Variants in TEK observed in about 807,000 individuals in gnomAD.
TEK encodes the protein angiopoietin-1 receptor.
Under a neutral mutation model 131.8 loss-of-function variants are expected in TEK, and 43 were observed. That is an observed-to-expected ratio of 0.33 (90% confidence interval 0.26 to 0.42). The LOEUF is 0.42. Among genes scored for constraint, TEK ranks in the 10% least tolerant of loss-of-function variants. TEK has a pLI of 1.00. For synonymous variants in TEK, 580 were observed against 491.6 expected, an observed-to-expected ratio of 1.18 and a Z score of -2.38; for missense variants, 1,162 against 1,384.4, an observed-to-expected ratio of 0.84 and a Z score of 2.55.
intron 1 of TEK, among the ~76,000 whole-genome samples, chr9:27,114,651 TAATC>T (rs1208495764): frequency 6.6e-6 from 1 of 152,228 alleles, no homozygotes; most frequent in Non-Finnish European, 1.5e-5. Context: ...ACCAATCTGA[TAATC>T]AATTTTATAT....
intron 1 of TEK, among the ~76,000 whole-genome samples, chr9:27,130,908 G>A (rs143978576): frequency 1.2e-3 from 177 of 151,986 alleles, no homozygotes; most frequent in African/African-American, 4.1e-3. Context: ...CTCATTGAAA[G>A]TGATAGAAAA....
chr9:27,123,074 A>C (rs1034653767), intron 1 of TEK, among the ~76,000 whole-genome samples: 6 of 150,456 alleles, frequency 4.0e-5, no homozygotes, highest in Non-Finnish European at 8.9e-5. Flanking sequence ...AAAAAAAAAA[A>C]AAAACTGGAG....
At chr9:27,137,927 G>T (rs975266773) in intron 1 of TEK, among the ~76,000 whole-genome samples, 5 of 152,122 alleles carry the variant, frequency 3.3e-5, no homozygotes, top group Admixed American at 6.6e-5. Context: ...AAGATGGTGT[G>T]TCCAGAGTTT....
intron 6 of TEK, among the ~76,000 whole-genome samples, chr9:27,177,911 A>G (rs936014275): frequency 6.6e-6 from 1 of 152,018 alleles, no homozygotes; most frequent in African/African-American, 2.4e-5. Context: ...TGTTCCATAC[A>G]TTGTTTCTTC....
At position 27,190,601 on chromosome 9, in the gene TEK, C is replaced by G. The variant is rs775484004; in HGVS notation, c.1400C>G (p.Ser467Cys). 1 of 1,614,068 alleles carries G rather than the reference C, an allele frequency of 6.2e-7. No homozygotes were observed. Among genetic ancestry groups the G allele is most frequent in the Non-Finnish European group, 8.5e-7 (1 of 1,179,942 alleles). Residue 467 changes from serine (S) to cysteine (C), a missense_variant, in exon 10 of 23, where the codon TCT (serine) becomes TGT (cysteine). Around this residue, in one of 6 missense-constraint regions of TEK, gnomAD observed 477 missense variants for 471.0 expected, o/e 1.01. Coordinates refer to ENST00000380036, the MANE Select transcript of TEK (RefSeq NM_000459.5). ...GHNFAVINIS[S>C]EPYFGDGPIK... ...AACTTTGCTGTCATCAACATCAGCTCTGAGCCTTACTTTGGGGATGGACCA... is the reference window on the plus strand; with the variant it reads ...AACTTTGCTGTCATCAACATCAGCTGTGAGCCTTACTTTGGGGATGGACCA...
chr9:27,126,181 T>C (rs1222621397), intron 1 of TEK, among the ~76,000 whole-genome samples: 1 of 152,204 alleles, frequency 6.6e-6, no homozygotes, highest in Non-Finnish European at 1.5e-5. Flanking sequence ...TCTCCGTGGC[T>C]GATTCATTAA....
chr9:27,125,791 A>G (rs1405950842), intron 1 of TEK, among the ~76,000 whole-genome samples: 4 of 152,164 alleles, frequency 2.6e-5, no homozygotes, highest in African/African-American at 9.7e-5. Context: ...TACTAGGGTA[A>G]TTGCTCCTAA....
intron 1 of TEK, among the ~76,000 whole-genome samples, chr9:27,130,626 CTTTTTTTTTTT>C (rs571794271): frequency 1.6e-5 from 2 of 121,850 alleles, no homozygotes; most frequent in African/African-American, 6.2e-5. Flanking sequence ...GATTAAAGTA[CTTTTTTTTTTT>C]TTTTTTTTTG....
chr9:27,146,844 C>A (rs1488383596), intron 1 of TEK, among the ~76,000 whole-genome samples: 1 of 151,534 alleles, frequency 6.6e-6, no homozygotes, highest in Non-Finnish European at 1.5e-5. Context: ...ATTCTCCTGC[C>A]TCAGCCTCTC....
rs1380009442 is a variant in TEK at position 27,152,605 on chromosome 9, AAAAAT to A, written c.53-5212_53-5208del. ...CTTATATGAAGCCCCCCCGCCGCAA[AAAAAT>A]AAAATAAAATAAAGTTGAGTAGCTC... On this transcript the variant is annotated intron_variant, in intron 1 of 22. Transcript: ENST00000380036. Among the ~76,000 whole-genome samples the A allele has an allele frequency of 3.5e-3, 500 of 141,612 alleles. 2 individuals carry two copies. Among genetic ancestry groups the A allele is most frequent in the Non-Finnish European group, 6.2e-3 (413 of 66,604 alleles). The allele number at this position is 141,612 out of a possible 152,430, so 92.9% of individuals were successfully genotyped here.
intron 1 of TEK, among the ~76,000 whole-genome samples, chr9:27,125,534 A>G (rs1821955100): frequency 6.6e-6 from 1 of 152,132 alleles, no homozygotes; most frequent in African/African-American, 2.4e-5. Flanking sequence ...TTTTCACCTT[A>G]TGCCCAGGCA....
intron 1 of TEK, among the ~76,000 whole-genome samples, chr9:27,135,018 C>T (rs1400587029): frequency 2.6e-5 from 4 of 152,068 alleles, no homozygotes; most frequent in Non-Finnish European, 4.4e-5. Flanking sequence ...TGACGTCAAG[C>T]GTTGAAGACC....
chr9:27,114,969 G>A (rs1388042035), intron 1 of TEK, among the ~76,000 whole-genome samples: 1 of 152,088 alleles, frequency 6.6e-6, no homozygotes, highest in Non-Finnish European at 1.5e-5. Context: ...TTTCCTTTGA[G>A]CCATGTACTG....
chr9:27,151,038 C>T (rs1295242328), intron 1 of TEK, among the ~76,000 whole-genome samples: 2 of 152,078 alleles, frequency 1.3e-5, no homozygotes, highest in East Asian at 3.9e-4. Context: ...CCAGTCACAT[C>T]CAGGATGCCC....
chr9:27,225,034 G>A (rs901220788), intron 21 of TEK, among the ~76,000 whole-genome samples: 9 of 152,066 alleles, frequency 5.9e-5, no homozygotes, highest in Non-Finnish European at 1.3e-4. Flanking sequence ...AAAATATCTA[G>A]GAATCCAACT....
chr9:27,185,397 A>G, intron 8 of TEK, 88 bp from the exon 9 acceptor site: 1 of 1,526,164 alleles, frequency 6.6e-7, no homozygotes, highest in East Asian at 2.3e-5. Context: ...GAAACTTCTT[A>G]TTAAACAATG....
At chr9:27,205,354 G>A (rs936374688) in intron 14 of TEK, among the ~76,000 whole-genome samples, 2 of 152,174 alleles carry the variant, frequency 1.3e-5, no homozygotes, top group African/African-American at 4.8e-5. Flanking sequence ...CATCCTAGTA[G>A]TAAGTCCCCA....
At chr9:27,154,139 CTCTCTCTTTCTG>C (rs1823236200) in intron 1 of TEK, among the ~76,000 whole-genome samples, 2 of 151,976 alleles carry the variant, frequency 1.3e-5, no homozygotes, top group Admixed American at 1.3e-4. Flanking sequence ...ATTTTTTTCT[CTCTCTCTTTCTG>C]TCTCTCTTTT....
chr9:27,150,623 G>A (rs1587521051), intron 1 of TEK, among the ~76,000 whole-genome samples: 1 of 152,180 alleles, frequency 6.6e-6, no homozygotes, highest in East Asian at 1.9e-4. Flanking sequence ...AAAAAATAAG[G>A]TGTGAGGCTT....
Sources: allele counts gnomAD v4.1 joint callset (sites outside exome capture counted in the v4.1 genomes callset), GRCh38; gene constraint gnomAD v4.1.1; regional missense constraint gnomAD v4.1.1; transcripts MANE v1.5; gene names NCBI Gene and HGNC (gene_info 2026-07-23, HGNC 2026-07-21).